The following MRTFA variants were observed in gnomAD, a reference collection of about 807,000 sequenced individuals.
MRTFA encodes the protein myocardin-related transcription factor A.
In MRTFA, 20 loss-of-function variants were observed where a neutral mutation model predicts 83.5. The observed-to-expected ratio is 0.24, with a 90% CI of 0.17 to 0.35. The LOEUF (loss-of-function observed/expected upper bound fraction) is 0.35, where lower values mean the gene tolerates loss of function less well. MRTFA is among the 10% of genes least tolerant of loss of function. The probability of loss-of-function intolerance (pLI) is 1.00; values close to 1 mark genes in which losing one functional copy is unlikely to be tolerated. For synonymous variants in MRTFA, 659 were observed against 541.2 expected (o/e 1.22, Z -3.02); for missense variants, 1,200 against 1,224.7 (o/e 0.98, Z 0.30).
chr22:40,505,533 T>C (rs772356670), intron 3 of MRTFA, among the ~76,000 whole-genome samples: 32 of 152,234 alleles, frequency 2.1e-4, no homozygotes, highest in Non-Finnish European at 4.0e-4. Context: ...TACTGTTCAA[T>C]AAGTAATGCC....
At chr22:40,512,800 A>G (rs2054688713) in intron 3 of MRTFA, among the ~76,000 whole-genome samples, 1 of 152,236 alleles carries the variant, frequency 6.6e-6, no homozygotes, top group South Asian at 2.1e-4. Flanking sequence ...CTACAGGGCT[A>G]AAAGGATGAC....
At chr22:40,430,391 G>C (rs780695527) in intron 6 of MRTFA, among the ~76,000 whole-genome samples, 2 of 152,032 alleles carry the variant, frequency 1.3e-5, no homozygotes, top group Non-Finnish European at 1.5e-5. Flanking sequence ...GGAAGGCTGA[G>C]ACAGGAGAAT....
At chr22:40,489,492 T>A (rs1358455512) in intron 3 of MRTFA, among the ~76,000 whole-genome samples, 1 of 152,026 alleles carries the variant, frequency 6.6e-6, no homozygotes, top group Non-Finnish European at 1.5e-5. Context: ...ATTTTTTTTT[T>A]TCTAGAGACA....
chr22:40,433,357 G>A (rs2053107262), intron 5 of MRTFA: 1 of 152,238 alleles, frequency 6.6e-6, no homozygotes, highest in South Asian at 2.1e-4. Context: ...GTTTGACAAG[G>A]TACAGTGGTA....
chr22:40,629,007 T>C (rs1488873854), intron 1 of MRTFA, among the ~76,000 whole-genome samples: 1 of 152,142 alleles, frequency 6.6e-6, no homozygotes, highest in Non-Finnish European at 1.5e-5. Flanking sequence ...TTAAGAATTT[T>C]GGCCAGGCAC....
chr22:40,506,809 G>A (rs2054587912), intron 3 of MRTFA, among the ~76,000 whole-genome samples: 1 of 152,086 alleles, frequency 6.6e-6, no homozygotes, highest in African/African-American at 2.4e-5. Context: ...AAATATAGTA[G>A]CATAATACTA....
At chr22:40,620,627 G>A (rs1055730371) in intron 1 of MRTFA, among the ~76,000 whole-genome samples, 20 of 152,012 alleles carry the variant, frequency 1.3e-4, no homozygotes, top group Non-Finnish European at 2.8e-4. Context: ...ATGCTGTGGA[G>A]AGAAAGTCAA....
rs192940492 is a variant in MRTFA at position 40,411,166 on chromosome 22, C to T, written c.*224G>A. On this transcript the variant is annotated 3_prime_UTR_variant, in exon 15 of 15. Transcript: ENST00000355630. ...CCTGACCGTGTGTCCAAAACCCCAG[C>T]GTGAGAGCCAGGGCTGCTTCTTGAC... 3.2e-5 allele frequency: 14 copies of T among 434,662 alleles called. No homozygotes were observed. The highest frequency in any genetic ancestry group is 4.0e-5 in the Non-Finnish European group (10 of 249,998). 26.9% of individuals were successfully genotyped at this position (434,662 alleles called of 1,614,324 possible). A position where few individuals can be genotyped will look rare whatever the true frequency, so the allele number is the denominator to read the frequency against.
intron 3 of MRTFA, chr22:40,526,119 G>C (rs2054967595): frequency 6.6e-6 from 1 of 151,894 alleles, no homozygotes; most frequent in African/African-American, 2.4e-5. Flanking sequence ...GGGCTCAACT[G>C]ATCCTCCCCA....
chr22:40,439,263 G>A lies in MRTFA; in HGVS notation c.308-3709C>T, dbSNP rs1304376613. ...CAAGCCTGTAATCCTAGCACTTTGG[G>A]AGGCTGAGGCAGGTCTATCACCTGA... On this transcript the variant is annotated intron_variant, in intron 4 of 14. Transcript: ENST00000355630. Among the ~76,000 whole-genome samples, 8 of 152,272 alleles carry A rather than the reference G, an allele frequency of 5.3e-5. No homozygotes were observed. In the East Asian group the frequency reaches 1.5e-3, roughly 29 times the overall value.
intron 1 of MRTFA, among the ~76,000 whole-genome samples, chr22:40,594,967 G>A (rs999499706): frequency 4.7e-5 from 7 of 150,298 alleles, no homozygotes; most frequent in African/African-American, 9.8e-5. Flanking sequence ...CTATATGCTA[G>A]ATACTGTTGC....
chr22:40,460,664 G>T (rs987908381), intron 4 of MRTFA, among the ~76,000 whole-genome samples: 1 of 152,186 alleles, frequency 6.6e-6, no homozygotes. Context: ...TAGCTATCTT[G>T]TTTCTCCACA....
At chr22:40,493,644 G>A in intron 3 of MRTFA, among the ~76,000 whole-genome samples, 1 of 152,172 alleles carries the variant, frequency 6.6e-6, no homozygotes, top group East Asian at 1.9e-4. Context: ...GCTACTGTCA[G>A]AATACAAATA....
At chr22:40,538,820 G>C (rs771343128) in intron 3 of MRTFA, among the ~76,000 whole-genome samples, 34 of 152,156 alleles carry the variant, frequency 2.2e-4, no homozygotes, top group Non-Finnish European at 4.3e-4. Flanking sequence ...AAATGAAGAT[G>C]ACTTCAAGTT....
intron 2 of MRTFA, among the ~76,000 whole-genome samples, chr22:40,588,229 A>G (rs1172125429): frequency 6.6e-6 from 1 of 152,064 alleles, no homozygotes; most frequent in Admixed American, 6.6e-5. Context: ...AGGTTTCACC[A>G]TGTTGGTCAG....
At chr22:40,493,651 A>T (rs1434231840) in intron 3 of MRTFA, among the ~76,000 whole-genome samples, 1 of 152,220 alleles carries the variant, frequency 6.6e-6, no homozygotes, top group Non-Finnish European at 1.5e-5. Flanking sequence ...TCAGAATACA[A>T]ATACCAGCAA....
chr22:40,577,202 C>G (rs1556013461), intron 2 of MRTFA, among the ~76,000 whole-genome samples: 2 of 141,708 alleles, frequency 1.4e-5, no homozygotes, highest in Non-Finnish European at 3.0e-5. Flanking sequence ...CACTCATGCA[C>G]TCCTGCCTGA....
At chr22:40,591,515 G>A (rs910934844) in intron 2 of MRTFA, among the ~76,000 whole-genome samples, 3 of 152,182 alleles carry the variant, frequency 2.0e-5, no homozygotes, top group African/African-American at 7.2e-5. Flanking sequence ...ATCCGATGCA[G>A]AACTTAATAA....
intron 7 of MRTFA, chr22:40,429,319 G>C (rs907400575): frequency 6.5e-6 from 4 of 613,644 alleles, no homozygotes; most frequent in Non-Finnish European, 1.2e-5. Context: ...TCTACTCTGT[G>C]AAAGAGGAAG....
Sources: gnomAD v4.1 joint callset for allele counts (sites outside exome capture counted in the v4.1 genomes callset) on GRCh38, gnomAD v4.1.1 for gene constraint, MANE v1.5 for transcripts, NCBI Gene and HGNC (gene_info 2026-07-23, HGNC 2026-07-21) for gene names.